The following CDH23 variants were observed in gnomAD, a reference collection of about 807,000 sequenced individuals.
The protein encoded by CDH23 is cadherin-23.
In CDH23, 189 loss-of-function variants were observed where a neutral mutation model predicts 317.1. That is an observed-to-expected ratio of 0.60 (90% CI 0.53 to 0.67). The LOEUF (loss-of-function observed/expected upper bound fraction) is 0.67, where lower values mean the gene tolerates loss of function less well. CDH23 is among the 30% of genes least tolerant of loss of function. The pLI is 0.00. For synonymous variants in CDH23, 1,839 were observed against 1,876.8 expected, an observed-to-expected ratio of 0.98 and a Z score of 0.52; for missense variants, 4,401 against 4,592.4, an observed-to-expected ratio of 0.96 and a Z score of 1.20.
intron 26 of CDH23, chr10:71,707,618 T>C: frequency 2.5e-6 from 2 of 812,178 alleles, no homozygotes; most frequent in African/African-American, 1.9e-5. Context: ...GCCACAGTGG[T>C]AGGATTGGTA....
intron 28 of CDH23, 40 bp from the exon 29 acceptor site, chr10:71,724,005 G>T: frequency 6.4e-7 from 1 of 1,550,414 alleles, no homozygotes; most frequent in Non-Finnish European, 8.7e-7. Context: ...TCCCTGCTGG[G>T]TGGCATTCAA....
Position 71,809,900 on chromosome 10 carries a change from C to T in CDH23, c.8803C>T (p.Arg2935Ter), listed in dbSNP as rs1190307769. 3.1e-6 allele frequency: 5 copies of T among 1,613,156 alleles called. No homozygotes were observed. The highest frequency in any genetic ancestry group is 3.3e-5 in the Admixed American group (2 of 60,008). The change falls in exon 61 of 70, where the codon CGA becomes TGA. Residue 2935 changes from arginine (R) to a stop codon, truncating the protein, a stop_gained. Transcript: ENST00000224721. LOFTEE classifies it high-confidence loss of function. The stretch of plus-strand genomic sequence containing the variant: ...CTACTTCGTGGTGGACATTGTGGCC[C>T]GAGACCTGGCAGGCCACAACGACAC... ...PGYFVVDIVA[R>*]DLAGHNDTAI...
chr10:71,703,355 G>A (rs753311706), intron 24 of CDH23, among the ~76,000 whole-genome samples: 5 of 152,188 alleles, frequency 3.3e-5, no homozygotes, highest in Admixed American at 2.0e-4. Flanking sequence ...TCCAACCAAC[G>A]GGGATGTGAA....
intron 38 of CDH23, among the ~76,000 whole-genome samples, chr10:71,762,431 T>C (rs777006597): frequency 7.2e-5 from 11 of 152,266 alleles, no homozygotes; most frequent in Non-Finnish European, 1.6e-4. Context: ...CCTCTGCCCC[T>C]TCCTACTCCT....
At chr10:71,587,771 A>T (rs1477183679) in intron 9 of CDH23, among the ~76,000 whole-genome samples, 1 of 152,198 alleles carries the variant, frequency 6.6e-6, no homozygotes, top group Non-Finnish European at 1.5e-5. Context: ...TCCCTTTTTC[A>T]TCTGACTCCC....
intron 6 of CDH23, among the ~76,000 whole-genome samples, chr10:71,556,885 A>T (rs938426269): frequency 1.3e-5 from 2 of 152,208 alleles, no homozygotes; most frequent in Non-Finnish European, 2.9e-5. Flanking sequence ...TTCACCTATG[A>T]AGGATGAGAA....
At chr10:71,736,676 A>G (rs780404480) in intron 34 of CDH23, among the ~76,000 whole-genome samples, 6 of 152,190 alleles carry the variant, frequency 3.9e-5, no homozygotes, top group Non-Finnish European at 8.8e-5. Context: ...CCTGCCTTGC[A>G]GCCTCACCAA....
chr10:71,791,219 T>A lies in CDH23; in HGVS notation c.6137T>A (p.Ile2046Asn). ...ILELLLLAED[I>N]GLLNSTAHLL... The stretch of plus-strand genomic sequence containing the variant: ...GAGCTGCTGCTGCTGGCTGAGGACA[T>A]CGGGCTGCTCAACAGCACGGCCCAC... The change falls in exon 47 of 70, where the codon ATC becomes AAC. Residue 2046 changes from isoleucine to asparagine, a missense_variant. Ile to Asn is a moderately radical substitution (Grantham distance 149). Coordinates refer to ENST00000224721, the MANE Select transcript of CDH23 (RefSeq NM_022124.6). The A allele has an allele frequency of 1.2e-6, 2 of 1,613,724 alleles. No individual in the cohort carries two copies. The highest frequency in any genetic ancestry group is 1.7e-6 in the Non-Finnish European group (2 of 1,179,794).
intron 1 of CDH23, among the ~76,000 whole-genome samples, chr10:71,407,068 G>A (rs1000640618): frequency 1.3e-5 from 2 of 152,222 alleles, no homozygotes; most frequent in Non-Finnish European, 2.9e-5. Context: ...GGCACAGAGA[G>A]GTTACGCAAT....
At chr10:71,759,307 G>A (rs1050822963) in intron 38 of CDH23, among the ~76,000 whole-genome samples, 6 of 151,792 alleles carry the variant, frequency 4.0e-5, no homozygotes, top group Non-Finnish European at 8.8e-5. Context: ...TAAAGTGCTG[G>A]GATTACAGGC....
intron 9 of CDH23, among the ~76,000 whole-genome samples, chr10:71,596,095 TC>T (rs1327352960): frequency 6.6e-6 from 1 of 151,910 alleles, no homozygotes; most frequent in Non-Finnish European, 1.5e-5. Flanking sequence ...CTGGCCCTGC[TC>T]AGGGGTGGTG....
intron 3 of CDH23, among the ~76,000 whole-genome samples, chr10:71,452,753 A>T (rs1271254412): frequency 6.6e-6 from 1 of 152,238 alleles, no homozygotes; most frequent in Non-Finnish European, 1.5e-5. Flanking sequence ...TGTCTCTATT[A>T]TACAAGACTG....
intron 6 of CDH23, among the ~76,000 whole-genome samples, chr10:71,532,711 G>GTTTTTTTTTTTTTTTTTTTTTTTTTT (rs531593760): frequency 3.1e-5 from 4 of 128,090 alleles, no homozygotes; most frequent in Non-Finnish European, 3.5e-5. Flanking sequence ...TTTTGTTTTT[G>GTTTTTTTTTTTTTTTTTTTTTTTTTT]TTTTTTTTTT....
chr10:71,656,152 G>A (rs1265959736), intron 14 of CDH23, among the ~76,000 whole-genome samples: 1 of 152,198 alleles, frequency 6.6e-6, no homozygotes, highest in Non-Finnish European at 1.5e-5. Flanking sequence ...CCAAGGCCAA[G>A]GGTAGGGAGG....
At chr10:71,523,594 G>C (rs56948375) in intron 6 of CDH23, among the ~76,000 whole-genome samples, 1 of 152,080 alleles carries the variant, frequency 6.6e-6, no homozygotes, top group African/African-American at 2.4e-5. Flanking sequence ...GCCAGCAGCC[G>C]GGGGGAAATA....
intron 9 of CDH23, among the ~76,000 whole-genome samples, chr10:71,578,468 A>T (rs182157323): frequency 3.9e-5 from 6 of 152,288 alleles, no homozygotes; most frequent in East Asian, 1.9e-4. Context: ...CCAACCCTTA[A>T]GAATTCATGT....
chr10:71,677,921 G>A lies in CDH23; in HGVS notation c.1752+228G>A, dbSNP rs575604483. Among the ~76,000 whole-genome samples the A allele has an allele frequency of 9.2e-5, 14 of 152,164 alleles. No individual in the cohort carries two copies. In the South Asian group the frequency reaches 1.5e-3, roughly 16 times the overall value. On this transcript the variant is annotated intron_variant, in intron 16 of 69. Coordinates refer to ENST00000224721, the MANE Select transcript of CDH23 (RefSeq NM_022124.6). ...GCTGGGACTACAGGCTTGAGCCACC[G>A]TGCCTAGCCTGTGCTTTCTTCTTGA...
chr10:71,561,601 T>G (rs1270275273), intron 6 of CDH23, among the ~76,000 whole-genome samples: 3 of 152,204 alleles, frequency 2.0e-5, no homozygotes, highest in Non-Finnish European at 4.4e-5. Flanking sequence ...TGTCTCTGAA[T>G]TGCACAGGGT....
chr10:71,731,864 A>C, intron 31 of CDH23, 123 bp from the exon 32 acceptor site: 2 of 949,426 alleles, frequency 2.1e-6, no homozygotes, highest in Non-Finnish European at 3.1e-6. Context: ...TCCTGCCGGC[A>C]GAGGTGGGGC....
Sources: allele counts gnomAD v4.1 joint callset (sites outside exome capture counted in the v4.1 genomes callset), GRCh38; gene constraint gnomAD v4.1.1; transcripts MANE v1.5; gene names NCBI Gene and HGNC (gene_info 2026-07-23, HGNC 2026-07-21).